The following NINL variants were observed in gnomAD, a reference collection of about 807,000 sequenced individuals.
NINL encodes the protein ninein like, also known as ninein-like protein.
A neutral mutation model predicts 160.3 loss-of-function variants in NINL; 153 were observed. The observed-to-expected ratio is 0.95, with a 90% CI of 0.84 to 1.09. The LOEUF is 1.09. Ranked by LOEUF, NINL falls within the 50% of genes least tolerant of loss-of-function variation. The pLI is 0.00. For missense variants in NINL, 1,829 were observed against 1,764.0 expected (o/e 1.04, Z -0.66); for synonymous variants, 800 against 734.8 (o/e 1.09, Z -1.43).
chr20:25,558,311 G>A (rs966429743), intron 1 of NINL, among the ~76,000 whole-genome samples: 2 of 152,170 alleles, frequency 1.3e-5, no homozygotes, highest in African/African-American at 4.8e-5. Flanking sequence ...GGATTCAAGC[G>A]ATTCTCCTGC....
At chr20:25,512,653 C>G (rs1320851877) in intron 4 of NINL, among the ~76,000 whole-genome samples, 181 bp downstream of exon 4, 1 of 152,198 alleles carries the variant, frequency 6.6e-6, no homozygotes, top group African/African-American at 2.4e-5. Context: ...CTGAAGACAA[C>G]CAGACCCAAT....
chr20:25,584,652 G>A (rs1334799257), intron 1 of NINL, among the ~76,000 whole-genome samples: 1 of 152,068 alleles, frequency 6.6e-6, no homozygotes, highest in African/African-American at 2.4e-5. Flanking sequence ...CAGCTTCATG[G>A]GTCTCTTCCT....
chr20:25,541,333 C>T (rs1250027849), intron 1 of NINL, among the ~76,000 whole-genome samples: 13 of 152,216 alleles, frequency 8.5e-5, no homozygotes, highest in Non-Finnish European at 1.3e-4. Context: ...TACTGAGACC[C>T]GTGCCTGATG....
chr20:25,554,961 T>C (rs2064850199), intron 1 of NINL, among the ~76,000 whole-genome samples: 1 of 152,090 alleles, frequency 6.6e-6, no homozygotes, highest in African/African-American at 2.4e-5. Context: ...GCCAATATAT[T>C]TAAAACTAGA....
rs769011319 is a variant in NINL at position 25,453,446 on chromosome 20, T to G, written c.*5A>C. 43 of 1,579,048 alleles carry G rather than the reference T, an allele frequency of 2.7e-5. No homozygotes were observed. In the East Asian group the frequency reaches 9.3e-4, roughly 34 times the overall value. On this transcript the variant is annotated 3_prime_UTR_variant, in exon 24 of 24. Transcript: ENST00000278886. ...TTCGAATGAATCCTAGAAAATAATC[T>G]GTCTTTACACAGAGAGGGCTGCGGG...
intron 13 of NINL, among the ~76,000 whole-genome samples, chr20:25,484,730 A>G (rs2063473952): frequency 6.6e-6 from 1 of 152,246 alleles, no homozygotes; most frequent in Non-Finnish European, 1.5e-5. Flanking sequence ...GCTGCTAAGC[A>G]GGAAAATCAT....
At chr20:25,493,457 G>A (rs1156603813) in intron 10 of NINL, among the ~76,000 whole-genome samples, 1 of 152,124 alleles carries the variant, frequency 6.6e-6, no homozygotes, top group African/African-American at 2.4e-5. Flanking sequence ...AGAAAGGAGG[G>A]GGCGTCCAGG....
intron 1 of NINL, among the ~76,000 whole-genome samples, chr20:25,581,435 CCTT>C (rs1284078725): frequency 9.7e-6 from 1 of 103,216 alleles, no homozygotes; most frequent in East Asian, 2.9e-4. Flanking sequence ...GAGCGAGACT[CCTT>C]CTCAGTTTAA....
intron 5 of NINL, among the ~76,000 whole-genome samples, chr20:25,507,322 T>C (rs1601179728): frequency 6.6e-6 from 1 of 152,126 alleles, no homozygotes. Context: ...TCTTTAGGAC[T>C]CATCAGCGGG....
chr20:25,526,428 C>T lies in NINL; in HGVS notation c.160G>A (p.Gly54Arg), dbSNP rs200992599. The change falls in exon 2 of 24, where the codon GGA becomes AGA. Residue 54 changes from glycine to arginine, a missense_variant. By Grantham distance (125) the Gly-to-Arg change is moderately radical. Coordinates refer to ENST00000278886, the MANE Select transcript of NINL (RefSeq NM_025176.6). ...QLPVLLQTLLGNDHFARVNFE... is the reference protein window; with the variant it reads ...QLPVLLQTLLRNDHFARVNFE... ...CTCACCCTGGCGAAATGGTCGTTTCCGAGAAGCGTCTGCAGGAGGACGGGC... is the reference window on the plus strand; with the variant it reads ...CTCACCCTGGCGAAATGGTCGTTTCTGAGAAGCGTCTGCAGGAGGACGGGC... 9.6e-5 allele frequency: 155 copies of T among 1,612,360 alleles called. 1 individual carries two copies. In the South Asian group the frequency reaches 1.5e-3, roughly 15 times the overall value.
intron 1 of NINL, among the ~76,000 whole-genome samples, chr20:25,528,508 TA>T (rs1349021202): frequency 6.6e-6 from 1 of 151,938 alleles, no homozygotes; most frequent in Non-Finnish European, 1.5e-5. Flanking sequence ...AAAATATATT[TA>T]AAAAAAGGGA....
rs138945172 is a variant in NINL at position 25,476,951 on chromosome 20, C to T, written c.2340G>A (p.Glu780=). 6.8e-6 allele frequency: 11 copies of T among 1,609,878 alleles called. No individual in the cohort carries two copies. The African/African-American group carries it at 1.5e-4, about 21-fold the overall frequency. Residue 780 remains glutamate (E), a synonymous_variant, in exon 17 of 24, where the codon GAG becomes GAA. Coordinates refer to ENST00000278886, the MANE Select transcript of NINL (RefSeq NM_025176.6). ...GCTGCAGCTTCAGTGCCCTCTCCAGCTCCAGCTGCTCCGACCTCTGGCTCC... is the reference window on the plus strand; with the variant it reads ...GCTGCAGCTTCAGTGCCCTCTCCAGTTCCAGCTGCTCCGACCTCTGGCTCC... The part of the protein sequence containing the change: ...PRGSQRSEQL[E]LERALKLQPC...
chr20:25,479,561 T>C lies in NINL; in HGVS notation c.1918-355A>G, dbSNP rs74586681. Among the ~76,000 whole-genome samples, 362 of 152,284 alleles carry C rather than the reference T, an allele frequency of 2.4e-3. 1 individual carries two copies. Among genetic ancestry groups the C allele is most frequent in the African/African-American group, 8.5e-3 (355 of 41,560 alleles). ...GCGTGGAGGCCCTCAGTGGAAGGAA[T>C]ACCATTCAACTATGGGTGGGCAGGG... On this transcript the variant is annotated intron_variant, in intron 15 of 23. Transcript: ENST00000278886.
chr20:25,479,516 C>T (rs1283611111), intron 15 of NINL, among the ~76,000 whole-genome samples: 2 of 152,178 alleles, frequency 1.3e-5, no homozygotes, highest in South Asian at 4.1e-4. Flanking sequence ...CTTTACAGGA[C>T]CTCGGGGTGG....
At position 25,526,581 on chromosome 20, in the gene NINL, C is replaced by T. The variant is rs1473936731; in HGVS notation, c.7G>A (p.Glu3Lys). ...TGCGAGACATAGTGGTTCTCTTCTT[C>T]ATCCATCCCATAGCAGGCTGGCAGT... Reference protein sequence around the residue: MDEEENHYVSQLR... With the variant: MDKEENHYVSQLR... Residue 3 changes from glutamate to lysine, a missense_variant, in exon 2 of 24, where the codon GAA (glutamate) becomes AAA (lysine). By Grantham distance (56) the Glu-to-Lys change is moderately conservative. Coordinates refer to ENST00000278886, the MANE Select transcript of NINL (RefSeq NM_025176.6). 1 of 1,613,684 alleles carries T rather than the reference C, an allele frequency of 6.2e-7. No individual in the cohort carries two copies. Among genetic ancestry groups the T allele is most frequent in the Non-Finnish European group, 8.5e-7 (1 of 1,179,614 alleles).
intron 21 of NINL, 104 bp from the exon 22 acceptor site, chr20:25,458,633 C>T (rs773077672): frequency 1.7e-6 from 2 of 1,207,464 alleles, no homozygotes; most frequent in East Asian, 2.6e-5. Context: ...GCAAGGAAAG[C>T]GTGTGCTCCC....
At chr20:25,493,359 C>T (rs555709405) in intron 10 of NINL, among the ~76,000 whole-genome samples, 3 of 152,206 alleles carry the variant, frequency 2.0e-5, no homozygotes, top group Admixed American at 2.0e-4. Context: ...CACCAAGATC[C>T]CTGTGGCACC....
At chr20:25,491,254 G>T in intron 11 of NINL, 97 bp downstream of exon 11, 1 of 1,400,652 alleles carries the variant, frequency 7.1e-7, no homozygotes, top group Non-Finnish European at 9.7e-7. Context: ...TGAGGGCACT[G>T]GCAGGTGTGG....
intron 1 of NINL, among the ~76,000 whole-genome samples, chr20:25,552,525 C>T (rs911668611): frequency 6.6e-6 from 1 of 152,234 alleles, no homozygotes; most frequent in African/African-American, 2.4e-5. Context: ...ATTAATCAAA[C>T]AGTGATGCCA....
Sources: gnomAD v4.1 joint callset for allele counts (sites outside exome capture counted in the v4.1 genomes callset) on GRCh38, gnomAD v4.1.1 for gene constraint, MANE v1.5 for transcripts, NCBI Gene and HGNC (gene_info 2026-07-23, HGNC 2026-07-21) for gene names.